GRIA4: variants seen among roughly 807,000 people sequenced by gnomAD.
GRIA4 encodes the protein glutamate receptor 4.
In GRIA4, 34 loss-of-function variants were observed where a neutral mutation model predicts 104.0. The ratio of observed to expected loss-of-function variants is 0.33; its 90% CI spans 0.25 to 0.44. The LOEUF (loss-of-function observed/expected upper bound fraction) is 0.44. Among genes scored for constraint, GRIA4 ranks in the 20% least tolerant of loss-of-function variants. The pLI, the probability that GRIA4 is intolerant of heterozygous loss-of-function variation, is 1.00. For synonymous variants in GRIA4, 386 were observed against 381.9 expected (o/e 1.01, Z -0.13); for missense variants, 750 against 1,096.5 (o/e 0.68, Z 4.46).
At chr11:105,768,150 C>T (rs1941038211) in intron 4 of GRIA4, among the ~76,000 whole-genome samples, 1 of 152,096 alleles carries the variant, frequency 6.6e-6, no homozygotes, top group Admixed American at 6.6e-5. Flanking sequence ...GTTGGCTGTA[C>T]TATGAGAGCA....
chr11:105,678,004 C>T (rs1320847291), intron 3 of GRIA4, among the ~76,000 whole-genome samples: 4 of 152,114 alleles, frequency 2.6e-5, no homozygotes, highest in Non-Finnish European at 4.4e-5. Context: ...CTTATCTCCC[C>T]ATATATCACT....
In GRIA4 at chr11:105,700,910, A is replaced by AT. The variant is rs1362187603; in HGVS notation, c.248-52070dup. ...ATATTGACTTTTCTTTCTCATTGAT[A>AT]TAAAGTCAAATTCTTCAGGTGTCAT... On this transcript the variant is annotated intron_variant, in intron 3 of 16. Transcript: ENST00000282499. 8.5e-5 allele frequency among the ~76,000 whole-genome samples: 13 copies of AT among 152,266 alleles called. No homozygotes were observed. In the East Asian group the frequency reaches 2.3e-3, roughly 27 times the overall value.
At chr11:105,911,795 T>TATATATATATATATATATATATATAC (rs1463813905) in intron 10 of GRIA4, 1 of 194,308 alleles carries the variant, frequency 5.1e-6, no homozygotes, top group Non-Finnish European at 1.0e-5. Context: ...TATATATATA[T>TATATATATATATATATATATATATAC]ATATATATAT....
chr11:105,886,472 C>A (rs1448760666), intron 5 of GRIA4, among the ~76,000 whole-genome samples: 3 of 151,514 alleles, frequency 2.0e-5, no homozygotes, highest in Non-Finnish European at 4.4e-5. Flanking sequence ...ACCCATTAAC[C>A]ATTCCCACCT....
intron 4 of GRIA4, among the ~76,000 whole-genome samples, chr11:105,796,352 A>G (rs1942479457): frequency 6.6e-6 from 1 of 152,212 alleles, no homozygotes; most frequent in Non-Finnish European, 1.5e-5. Context: ...GAAACATGAT[A>G]CAACTTTGAT....
chr11:105,854,677 G>A (rs1002925180), intron 4 of GRIA4, among the ~76,000 whole-genome samples: 8 of 152,110 alleles, frequency 5.3e-5, no homozygotes, highest in African/African-American at 1.9e-4. Context: ...TATTTTGAAG[G>A]TAGCCTTGAC....
At chr11:105,700,352 C>A (rs911153761) in intron 3 of GRIA4, among the ~76,000 whole-genome samples, 1 of 152,142 alleles carries the variant, frequency 6.6e-6, no homozygotes, top group Non-Finnish European at 1.5e-5. Flanking sequence ...ATTAGTGAAA[C>A]AATTGTGTTG....
At chr11:105,975,153 T>C (rs190852133) in intron 16 of GRIA4, among the ~76,000 whole-genome samples, 90 of 152,296 alleles carry the variant, frequency 5.9e-4, no homozygotes, top group African/African-American at 2.0e-3. Flanking sequence ...GAGCCAGACC[T>C]TTAAGGAAGA....
intron 14 of GRIA4, among the ~76,000 whole-genome samples, chr11:105,963,520 T>G (rs1042104814): frequency 1.3e-5 from 2 of 152,072 alleles, no homozygotes; most frequent in Non-Finnish European, 2.9e-5. Flanking sequence ...AAAGGTAAAT[T>G]TCATATATGA....
intron 4 of GRIA4, among the ~76,000 whole-genome samples, chr11:105,805,340 TA>T (rs1942902317): frequency 6.6e-6 from 1 of 151,592 alleles, no homozygotes; most frequent in Non-Finnish European, 1.5e-5. Context: ...CATAATCTAG[TA>T]AGGCAACTCA....
intron 14 of GRIA4, among the ~76,000 whole-genome samples, chr11:105,950,285 T>C (rs1948426170): frequency 6.6e-6 from 1 of 152,098 alleles, no homozygotes; most frequent in Non-Finnish European, 1.5e-5. Flanking sequence ...GAAATGAAAA[T>C]ATAAATATGA....
chr11:105,726,301 C>T (rs762458448), intron 3 of GRIA4, among the ~76,000 whole-genome samples: 7 of 152,194 alleles, frequency 4.6e-5, no homozygotes, highest in South Asian at 2.1e-4. Context: ...TGGAGCCCAC[C>T]GCAGCACCTC....
chr11:105,895,270 T>TGA (rs1329651339), intron 6 of GRIA4, among the ~76,000 whole-genome samples: 2 of 151,724 alleles, frequency 1.3e-5, no homozygotes, highest in African/African-American at 4.8e-5. Flanking sequence ...TGTGTGTGTG[T>TGA]GTGTGTGTGT....
intron 4 of GRIA4, among the ~76,000 whole-genome samples, chr11:105,769,095 T>G (rs1297404625): frequency 6.6e-6 from 1 of 152,102 alleles, no homozygotes; most frequent in Non-Finnish European, 1.5e-5. Flanking sequence ...AAGCTTGAAT[T>G]CTAGTAAGAG....
At chr11:105,974,286 C>T in intron 15 of GRIA4, 24 bp from the exon 16 acceptor site, 1 of 1,607,988 alleles carries the variant, frequency 6.2e-7, no homozygotes, top group Non-Finnish European at 8.5e-7. Flanking sequence ...CCACAGTTAA[C>T]TGAAGTGTCT....
chr11:105,729,585 T>C (rs564587241), intron 3 of GRIA4, among the ~76,000 whole-genome samples: 1 of 152,188 alleles, frequency 6.6e-6, no homozygotes, highest in Non-Finnish European at 1.5e-5. Context: ...ATATACCTGA[T>C]GAACATCAAT....
chr11:105,867,928 A>G (rs886759838), intron 5 of GRIA4, among the ~76,000 whole-genome samples: 6 of 152,200 alleles, frequency 3.9e-5, no homozygotes, highest in Non-Finnish European at 5.9e-5. Context: ...CACCTCATAC[A>G]TTCATTCAAC....
chr11:105,815,632 A>G (rs1299872740), intron 4 of GRIA4, among the ~76,000 whole-genome samples: 2 of 151,494 alleles, frequency 1.3e-5, no homozygotes, highest in South Asian at 2.1e-4. Context: ...TTTTAAATAC[A>G]CTGCCAAGTA....
At chr11:105,904,632 T>A (rs937049300) in intron 8 of GRIA4, among the ~76,000 whole-genome samples, 1 of 152,268 alleles carries the variant, frequency 6.6e-6, no homozygotes, top group Admixed American at 6.5e-5. Flanking sequence ...GTTCAAATAA[T>A]TAAGGTAATA....
Sources: gnomAD v4.1 joint callset for allele counts (sites outside exome capture counted in the v4.1 genomes callset) on GRCh38, gnomAD v4.1.1 for gene constraint, MANE v1.5 for transcripts, NCBI Gene and HGNC (gene_info 2026-07-23, HGNC 2026-07-21) for gene names.